The following FAM91A1 variants were observed in gnomAD, a reference collection of about 807,000 sequenced individuals.
FAM91A1 encodes the protein family with sequence similarity 91 member A1.
In FAM91A1, 41 loss-of-function variants were observed where a neutral mutation model predicts 113.5. That is an observed-to-expected ratio of 0.36 (90% CI 0.28 to 0.47). FAM91A1 has a LOEUF of 0.47. Among genes scored for constraint, FAM91A1 ranks in the 20% least tolerant of loss-of-function variants. The pLI is 1.00. For synonymous variants in FAM91A1, 307 were observed against 347.9 expected (o/e 0.88, Z 1.31); for missense variants, 696 against 1,001.2 (o/e 0.70, Z 4.11).
chr8:123,797,191 A>G (rs1229413997), intron 15 of FAM91A1, among the ~76,000 whole-genome samples: 1 of 152,220 alleles, frequency 6.6e-6, no homozygotes, highest in Non-Finnish European at 1.5e-5. Context: ...AAGCAGTGCC[A>G]GAAAATAAAT....
chr8:123,781,779 C>T (rs1815130642), intron 8 of FAM91A1, among the ~76,000 whole-genome samples: 1 of 152,152 alleles, frequency 6.6e-6, no homozygotes, highest in South Asian at 2.1e-4. Flanking sequence ...GCCACCATGC[C>T]CGGCCTGCAT....
intron 17 of FAM91A1, 31 bp downstream of exon 17, chr8:123,799,685 ATG>A (rs1317695227): frequency 6.2e-6 from 10 of 1,612,592 alleles, no homozygotes; most frequent in Non-Finnish European, 8.5e-6. Context: ...TGGTTTTTTT[ATG>A]TGTGTGTGAG....
chr8:123,808,113 G>C (rs1414890966), intron 20 of FAM91A1, among the ~76,000 whole-genome samples, 159 bp from the exon 21 acceptor site: 2 of 152,126 alleles, frequency 1.3e-5, no homozygotes, highest in Non-Finnish European at 2.9e-5. Context: ...GATCAAAATT[G>C]CTCCCCTGTT....
intron 9 of FAM91A1, 26 bp from the exon 10 acceptor site, chr8:123,785,055 A>G: frequency 1.3e-6 from 2 of 1,551,924 alleles, no homozygotes; most frequent in Non-Finnish European, 1.7e-6. Context: ...AAGAATGTAA[A>G]AATAAATTTT....
intron 13 of FAM91A1, 107 bp from the exon 14 acceptor site, chr8:123,787,557 C>A: frequency 4.7e-6 from 5 of 1,074,666 alleles, no homozygotes; most frequent in Non-Finnish European, 6.6e-6. Flanking sequence ...CCTCACCCCC[C>A]AATCCTTAAG....
chr8:123,810,607 T>C (rs187845294), intron 23 of FAM91A1: 1 of 538,314 alleles, frequency 1.9e-6, no homozygotes, highest in East Asian at 3.4e-5. Context: ...GTGTCTTTTA[T>C]GGGCTGTGTG....
At chr8:123,778,858 A>C in intron 6 of FAM91A1, 86 bp downstream of exon 6, 1 of 888,396 alleles carries the variant, frequency 1.1e-6, no homozygotes, top group Non-Finnish European at 1.6e-6. Flanking sequence ...TTTTTTAAAA[A>C]GTAACATTGT....
intron 11 of FAM91A1, chr8:123,786,187 T>G (rs563167593): frequency 6.6e-6 from 2 of 302,180 alleles, no homozygotes; most frequent in Admixed American, 4.6e-5. Context: ...TAATCTTGTG[T>G]GTGTGTTACA....
chr8:123,802,164 G>A (rs1199830819), intron 18 of FAM91A1, among the ~76,000 whole-genome samples: 2 of 152,144 alleles, frequency 1.3e-5, no homozygotes, highest in African/African-American at 4.8e-5. Context: ...GAGAATGGGA[G>A]GGAGTGGGGA....
chr8:123,800,025 TA>T, intron 18 of FAM91A1, 140 bp downstream of exon 18: 1 of 761,890 alleles, frequency 1.3e-6, no homozygotes, highest in Non-Finnish European at 2.0e-6. Flanking sequence ...ATATGGATTT[TA>T]GTCCTGGCCG....
intron 15 of FAM91A1, among the ~76,000 whole-genome samples, chr8:123,791,676 T>A (rs550180480): frequency 6.6e-6 from 1 of 152,324 alleles, no homozygotes; most frequent in South Asian, 2.1e-4. Flanking sequence ...CTCATCTGAA[T>A]TGCAGAACAT....
intron 4 of FAM91A1, among the ~76,000 whole-genome samples, 200 bp from the exon 5 acceptor site, chr8:123,777,825 A>C (rs1483987111): frequency 6.6e-6 from 1 of 152,164 alleles, no homozygotes; most frequent in African/African-American, 2.4e-5. Flanking sequence ...TTTTGTTAGA[A>C]GTGTCATCTT....
rs1183646901 is a variant in FAM91A1, at chr8:123,789,703, G to T, written c.1369G>T (p.Asp457Tyr). 1 of 1,613,348 alleles carries T rather than the reference G, an allele frequency of 6.2e-7. No homozygotes were observed. Residue 457 changes from aspartate (D) to tyrosine (Y), a missense_variant, in exon 15 of 24, where the codon GAT (aspartate) becomes TAT (tyrosine). Asp to Tyr is a radical substitution (Grantham distance 160, BLOSUM62 -3). Coordinates refer to ENST00000334705, the MANE Select transcript of FAM91A1 (RefSeq NM_144963.4). Reference protein sequence around the residue: ...NTILFLRHNKDLVAQTAQPDQ... With the variant: ...NTILFLRHNKYLVAQTAQPDQ... ...AATACTGTTTCTGCGTCATAACAAA[G>T]ATCTAGTTGCGCAAACTGCACAGCC...
In FAM91A1 at chr8:123,778,734, G is replaced by C. The variant is rs1815048176; in HGVS notation, c.511G>C (p.Val171Leu). The C allele has an allele frequency of 1.9e-6, 3 of 1,604,630 alleles. No individual in the cohort carries two copies. Among genetic ancestry groups the C allele is most frequent in the Non-Finnish European group, 2.6e-6 (3 of 1,176,074 alleles). The change falls in exon 6 of 24, where the codon GTG (valine) becomes CTG (leucine). Residue 171 changes from valine to leucine, a missense_variant. Physicochemically the swap from Val to Leu is conservative, Grantham distance 32 (BLOSUM62 1). Coordinates refer to ENST00000334705, the MANE Select transcript of FAM91A1 (RefSeq NM_144963.4). ...PVEIAIEAWW[V>L]VQAGYITEDD... ...GGAAATTGCCATAGAGGCGTGGTGG[G>C]TGGTGCAGGCTGGCTATATCACAGA...
At chr8:123,792,570 G>A (rs1454612193) in intron 15 of FAM91A1, among the ~76,000 whole-genome samples, 2 of 152,136 alleles carry the variant, frequency 1.3e-5, no homozygotes, top group Non-Finnish European at 2.9e-5. Flanking sequence ...TAGTACTGTG[G>A]AAATGTTTAG....
chr8:123,785,181 T>C, intron 10 of FAM91A1, 62 bp downstream of exon 10: 1 of 1,313,064 alleles, frequency 7.6e-7, no homozygotes, highest in Non-Finnish European at 1.0e-6. Context: ...TACTAGTAGA[T>C]TTTTATCTTG....
intron 6 of FAM91A1, among the ~76,000 whole-genome samples, chr8:123,779,311 G>A (rs909020727): frequency 6.6e-6 from 1 of 152,176 alleles, no homozygotes; most frequent in Non-Finnish European, 1.5e-5. Flanking sequence ...GCAAAGAACT[G>A]TTGTACTGAA....
In FAM91A1 at chr8:123,777,340, C is replaced by T. The variant is rs752274214; in HGVS notation, c.367+18C>T. ...TGCTGACTGTAAGTATTTAATTGTG[C>T]TGAAGAAGGTAATGTTTAGGTTGTG... On this transcript the variant is annotated intron_variant, in intron 4 of 23. Transcript: ENST00000334705. 1.2e-6 allele frequency: 2 copies of T among 1,606,422 alleles called. No homozygotes were observed. The highest frequency in any genetic ancestry group is 1.7e-6 in the Non-Finnish European group (2 of 1,175,504).
At chr8:123,771,709 GA>G (rs1310949044) in intron 1 of FAM91A1, among the ~76,000 whole-genome samples, 1 of 152,132 alleles carries the variant, frequency 6.6e-6, no homozygotes, top group Non-Finnish European at 1.5e-5. Context: ...TATCATCCAA[GA>G]AGGGTCAATT....
Sources: allele counts gnomAD v4.1 joint callset (sites outside exome capture counted in the v4.1 genomes callset), GRCh38; gene constraint gnomAD v4.1.1; transcripts MANE v1.5; gene names NCBI Gene and HGNC (gene_info 2026-07-23, HGNC 2026-07-21).